NXPH1: variants seen among roughly 807,000 people sequenced by gnomAD.
NXPH1 encodes the protein neurexophilin-1.
In NXPH1, 5 loss-of-function variants were observed where a neutral mutation model predicts 23.7. That is an observed-to-expected ratio of 0.21 (90% CI 0.11 to 0.44). The LOEUF (loss-of-function observed/expected upper bound fraction) is 0.44, where lower values mean the gene tolerates loss of function less well. Among genes scored for constraint, NXPH1 ranks in the 20% least tolerant of loss-of-function variants. The probability of loss-of-function intolerance (pLI) is 0.99; values close to 1 mark genes in which losing one functional copy is unlikely to be tolerated. For synonymous variants in NXPH1, 144 were observed against 122.2 expected (o/e 1.18, Z -1.18); for missense variants, 324 against 321.6 (o/e 1.01, Z -0.06).
chr7:8,750,991 T>A lies in NXPH1; in HGVS notation c.55-17T>A. The A allele has an allele frequency of 6.2e-7, 1 of 1,611,148 alleles. No individual in the cohort carries two copies. The highest frequency in any genetic ancestry group is 2.2e-5 in the East Asian group (1 of 44,844). ...AGATGCAGAGATGTAAATGCCATTTTTCTCTTCTGTTTTCAGGTCACATGT... is the reference window on the plus strand; with the variant it reads ...AGATGCAGAGATGTAAATGCCATTTATCTCTTCTGTTTTCAGGTCACATGT... On this transcript the variant is annotated splice_polypyrimidine_tract_variant and intron_variant, in intron 2 of 2. Coordinates refer to ENST00000405863, the MANE Select transcript of NXPH1 (RefSeq NM_152745.3).
chr7:8,568,670 A>G (rs1818590978), intron 2 of NXPH1, among the ~76,000 whole-genome samples: 1 of 151,264 alleles, frequency 6.6e-6, no homozygotes. Flanking sequence ...AAAAATTCTC[A>G]TTTCAACAGA....
intron 2 of NXPH1, among the ~76,000 whole-genome samples, chr7:8,749,992 A>G (rs1256608151): frequency 1.3e-5 from 2 of 152,208 alleles, no homozygotes; most frequent in Admixed American, 6.5e-5. Context: ...CGGTCCTAGG[A>G]GAACAGTGTC....
intron 2 of NXPH1, among the ~76,000 whole-genome samples, chr7:8,531,821 G>A (rs1048798731): frequency 2.0e-5 from 3 of 152,144 alleles, no homozygotes; most frequent in African/African-American, 7.2e-5. Flanking sequence ...ACCATTACTT[G>A]CAGCCTACAA....
At chr7:8,586,348 T>C (rs1307859100) in intron 2 of NXPH1, among the ~76,000 whole-genome samples, 1 of 152,080 alleles carries the variant, frequency 6.6e-6, no homozygotes, top group African/African-American at 2.4e-5. Flanking sequence ...GTAGGGAGTT[T>C]AGTATGGAAT....
At chr7:8,501,336 T>C (rs1212636253) in intron 2 of NXPH1, among the ~76,000 whole-genome samples, 3 of 152,028 alleles carry the variant, frequency 2.0e-5, no homozygotes, top group African/African-American at 7.2e-5. Flanking sequence ...TTTTAGGAGT[T>C]GTACCATGCA....
At chr7:8,554,113 A>G (rs1472773574) in intron 2 of NXPH1, among the ~76,000 whole-genome samples, 1 of 151,634 alleles carries the variant, frequency 6.6e-6, no homozygotes, top group African/African-American at 2.4e-5. Flanking sequence ...GCTAAGTAAG[A>G]TCTTGGTCTC....
intron 2 of NXPH1, among the ~76,000 whole-genome samples, chr7:8,451,422 T>C (rs935912992): frequency 3.2e-4 from 48 of 152,224 alleles, no homozygotes; most frequent in Admixed American, 2.8e-3. Flanking sequence ...AGTAGGAGTT[T>C]CTTTTTCTTA....
At chr7:8,572,309 T>G (rs894711164) in intron 2 of NXPH1, among the ~76,000 whole-genome samples, 5 of 151,978 alleles carry the variant, frequency 3.3e-5, no homozygotes, top group Non-Finnish European at 7.4e-5. Flanking sequence ...CTGAGAATTT[T>G]GTAAAACATT....
chr7:8,483,230 A>G (rs576066971), intron 2 of NXPH1, among the ~76,000 whole-genome samples: 15 of 152,312 alleles, frequency 9.8e-5, no homozygotes, highest in South Asian at 8.3e-4. Flanking sequence ...ATTGCTTATA[A>G]TATCTTGGTT....
At chr7:8,443,191 A>G (rs550240692) in intron 2 of NXPH1, among the ~76,000 whole-genome samples, 57 of 152,304 alleles carry the variant, frequency 3.7e-4, no homozygotes, top group African/African-American at 1.3e-3. Context: ...CCCCAGCATG[A>G]CCTGCGGTCA....
chr7:8,740,905 G>A (rs539193249), intron 2 of NXPH1, among the ~76,000 whole-genome samples: 12 of 152,216 alleles, frequency 7.9e-5, no homozygotes, highest in African/African-American at 2.4e-4. Flanking sequence ...GTGTGTGTAT[G>A]TAGTGAGAAC....
chr7:8,472,440 G>A (rs983413399), intron 2 of NXPH1, among the ~76,000 whole-genome samples: 1 of 152,186 alleles, frequency 6.6e-6, no homozygotes, highest in African/African-American at 2.4e-5. Context: ...GAGAGACTGA[G>A]CCAACGAGGG....
At chr7:8,450,701 C>T (rs1462337341) in intron 2 of NXPH1, among the ~76,000 whole-genome samples, 2 of 152,218 alleles carry the variant, frequency 1.3e-5, no homozygotes, top group Non-Finnish European at 2.9e-5. Context: ...TTCCATTTTG[C>T]AGCAGTATCA....
chr7:8,726,784 C>T (rs1382310590), intron 2 of NXPH1, among the ~76,000 whole-genome samples: 239 of 149,570 alleles, frequency 1.6e-3, no homozygotes, highest in Admixed American at 3.0e-3. Flanking sequence ...TGAATAATGC[C>T]GCAATAAACA....
intron 2 of NXPH1, among the ~76,000 whole-genome samples, chr7:8,593,127 A>G (rs1373735173): frequency 6.6e-6 from 1 of 151,224 alleles, no homozygotes; most frequent in African/African-American, 2.4e-5. Flanking sequence ...TGGTGTATAA[A>G]TTTTAGTCCC....
In NXPH1 at chr7:8,621,359, G is replaced by T. The variant is rs117554692; in HGVS notation, c.55-129649G>T. Reference sequence around the variant, plus strand: ...AGGAAGGTAGTGACTCAACAAGATGGGTTGCAGCAGAGGAGTTAGGGTGAG... The same window carrying T: ...AGGAAGGTAGTGACTCAACAAGATGTGTTGCAGCAGAGGAGTTAGGGTGAG... On this transcript the variant is annotated intron_variant, in intron 2 of 2. Transcript: ENST00000405863. 7.9e-3 allele frequency among the ~76,000 whole-genome samples: 1,207 copies of T among 152,260 alleles called. 13 individuals carry two copies. Among genetic ancestry groups the T allele is most frequent in the Middle Eastern group, 0.044 (13 of 294 alleles).
intron 2 of NXPH1, among the ~76,000 whole-genome samples, chr7:8,506,949 T>C (rs1447593298): frequency 6.6e-6 from 1 of 151,966 alleles, no homozygotes; most frequent in South Asian, 2.1e-4. Context: ...AGTGTGTGTA[T>C]TTTCATGAGC....
At chr7:8,441,774 C>G (rs773715765) in intron 2 of NXPH1, among the ~76,000 whole-genome samples, 3 of 152,244 alleles carry the variant, frequency 2.0e-5, no homozygotes, top group Non-Finnish European at 2.9e-5. Context: ...TGCGCATTTT[C>G]CAAGTTTGCC....
At chr7:8,564,598 C>G (rs1271870102) in intron 2 of NXPH1, among the ~76,000 whole-genome samples, 1 of 151,782 alleles carries the variant, frequency 6.6e-6, no homozygotes, top group African/African-American at 2.4e-5. Context: ...TGAACACTTA[C>G]TCCAAATTCC....
Sources: gnomAD v4.1 joint callset for allele counts (sites outside exome capture counted in the v4.1 genomes callset) on GRCh38, gnomAD v4.1.1 for gene constraint, MANE v1.5 for transcripts, NCBI Gene and HGNC (gene_info 2026-07-23, HGNC 2026-07-21) for gene names.